ELAVL2: variants seen among roughly 807,000 people sequenced by gnomAD.
The protein encoded by ELAVL2 is ELAV-like protein 2.
In ELAVL2, 4 loss-of-function variants were observed where a neutral mutation model predicts 34.6. The ratio of observed to expected loss-of-function variants is 0.12; its 90% CI spans 0.06 to 0.26. The LOEUF is 0.26. ELAVL2 is among the 10% of genes least tolerant of loss of function. The probability of loss-of-function intolerance (pLI) is 1.00; values close to 1 mark genes in which losing one functional copy is unlikely to be tolerated. For synonymous variants in ELAVL2, 193 were observed against 154.8 expected, an observed-to-expected ratio of 1.25 and a Z score of -1.83; for missense variants, 432 against 442.8, an observed-to-expected ratio of 0.98 and a Z score of 0.22.
At chr9:23,704,837 C>T (rs1014679711) in intron 4 of ELAVL2, 81 bp downstream of exon 4, 12 of 1,558,264 alleles carry the variant, frequency 7.7e-6, no homozygotes, top group Non-Finnish European at 9.6e-6. Context: ...AGAAGCAAGA[C>T]TGCTACATGG....
the ELAVL2 span, among the ~76,000 whole-genome samples, chr9:23,841,611 T>G: frequency 4.6e-5 from 7 of 152,168 alleles, no homozygotes; most frequent in African/African-American, 1.4e-4. Context: ...TTCAACATCA[T>G]GTATTGGCAA....
At chr9:23,811,151 A>T (rs903415077) in intron 1 of ELAVL2, among the ~76,000 whole-genome samples, 1 of 152,158 alleles carries the variant, frequency 6.6e-6, no homozygotes, top group South Asian at 2.1e-4. Flanking sequence ...ATTTCACCCT[A>T]CCATCCACAA....
chr9:23,754,633 T>C (rs1408664810), intron 2 of ELAVL2, among the ~76,000 whole-genome samples: 1 of 152,056 alleles, frequency 6.6e-6, no homozygotes, highest in African/African-American at 2.4e-5. Context: ...GGCTAATTTT[T>C]CTATTTTCAG....
rs546752895 is a variant in ELAVL2, at chr9:23,794,502, C to T, written c.-16+31304G>A. Among the ~76,000 whole-genome samples, 3 of 152,176 alleles carry T rather than the reference C, an allele frequency of 2.0e-5. No homozygotes were observed. The South Asian group carries it at 6.2e-4, about 32-fold the overall frequency. On this transcript the variant is annotated intron_variant, in intron 1 of 6. Transcript: ENST00000397312. ...TTTCTTAGGGAGTGAAAATATATAC[C>T]CTAATCCATACTGGATAGACAGCCC...
intron 1 of ELAVL2, among the ~76,000 whole-genome samples, chr9:23,771,442 T>G (rs7848172): frequency 0.081 from 12,248 of 151,812 alleles, 1,637 homozygotes; most frequent in African/African-American, 0.28. Flanking sequence ...TATATATAGA[T>G]ATATATAGGA....
At chr9:23,705,218 T>C in intron 3 of ELAVL2, 147 bp from the exon 4 acceptor site, 3 of 875,712 alleles carry the variant, frequency 3.4e-6, no homozygotes, top group Admixed American at 2.8e-5. Context: ...CTTTATTCAT[T>C]TCCAGGAAAA....
chr9:23,773,921 G>A (rs981638466), intron 1 of ELAVL2, among the ~76,000 whole-genome samples: 3 of 151,962 alleles, frequency 2.0e-5, no homozygotes, highest in African/African-American at 7.3e-5. Context: ...TAGAAAATTT[G>A]CTTATCTGGG....
At chr9:23,753,620 A>C (rs916471147) in intron 2 of ELAVL2, among the ~76,000 whole-genome samples, 2 of 152,128 alleles carry the variant, frequency 1.3e-5, no homozygotes, top group Non-Finnish European at 2.9e-5. Context: ...TCATATCACA[A>C]TTTAACTGTT....
chr9:23,742,353 TG>T (rs1267404491), intron 2 of ELAVL2, among the ~76,000 whole-genome samples: 7 of 152,222 alleles, frequency 4.6e-5, no homozygotes, highest in African/African-American at 1.7e-4. Context: ...GAAAAACTAC[TG>T]CAAGTGTTAA....
At chr9:23,812,907 G>A (rs1033296782) in intron 1 of ELAVL2, among the ~76,000 whole-genome samples, 2 of 152,136 alleles carry the variant, frequency 1.3e-5, no homozygotes, top group African/African-American at 4.8e-5. Context: ...GCTGCCAGGA[G>A]AGCAGGGTTT....
intron 2 of ELAVL2, among the ~76,000 whole-genome samples, chr9:23,733,934 T>C (rs905415331): frequency 6.6e-6 from 1 of 152,122 alleles, no homozygotes; most frequent in Non-Finnish European, 1.5e-5. Flanking sequence ...ATATCTAGTA[T>C]CTGTTAAGTT....
intron 1 of ELAVL2, among the ~76,000 whole-genome samples, chr9:23,803,781 G>T (rs1032714087): frequency 6.6e-6 from 1 of 152,156 alleles, no homozygotes; most frequent in African/African-American, 2.4e-5. Flanking sequence ...CTGTATAAAA[G>T]AGCTTCACAA....
intron 5 of ELAVL2, among the ~76,000 whole-genome samples, chr9:23,700,543 C>A (rs564053254): frequency 6.6e-6 from 1 of 152,318 alleles, no homozygotes; most frequent in Admixed American, 6.5e-5. Flanking sequence ...CAGTAAATTA[C>A]AACCGACAGG....
At chr9:23,734,616 T>G (rs966119615) in intron 2 of ELAVL2, among the ~76,000 whole-genome samples, 5 of 152,206 alleles carry the variant, frequency 3.3e-5, no homozygotes, top group African/African-American at 1.2e-4. Flanking sequence ...TTCTGACACT[T>G]TTACCGCAAA....
At chr9:23,725,191 C>G (rs1022366477) in intron 3 of ELAVL2, among the ~76,000 whole-genome samples, 1 of 152,176 alleles carries the variant, frequency 6.6e-6, no homozygotes, top group Admixed American at 6.6e-5. Flanking sequence ...CACTACTCTG[C>G]TCAAAACCCT....
At chr9:23,775,870 G>A (rs180911854) in intron 1 of ELAVL2, among the ~76,000 whole-genome samples, 1 of 152,314 alleles carries the variant, frequency 6.6e-6, no homozygotes, top group East Asian at 1.9e-4. Context: ...AGCACCGGAA[G>A]AGAGCAGACA....
intron 3 of ELAVL2, among the ~76,000 whole-genome samples, chr9:23,722,833 C>T (rs952460324): frequency 1.3e-5 from 2 of 152,128 alleles, no homozygotes; most frequent in East Asian, 3.8e-4. Context: ...AGATAATAGT[C>T]CTATGAAATT....
intron 1 of ELAVL2, among the ~76,000 whole-genome samples, chr9:23,786,977 T>C (rs1002177220): frequency 6.6e-6 from 1 of 152,156 alleles, no homozygotes; most frequent in Non-Finnish European, 1.5e-5. Flanking sequence ...TACACTTTTA[T>C]TTAAGCACAC....
intron 1 of ELAVL2, among the ~76,000 whole-genome samples, chr9:23,785,400 T>C (rs2059562067): frequency 6.6e-6 from 1 of 152,190 alleles, no homozygotes; most frequent in Admixed American, 6.5e-5. Flanking sequence ...AATGAGAATT[T>C]TGATGAATTT....
Sources: gnomAD v4.1 joint callset for allele counts (sites outside exome capture counted in the v4.1 genomes callset) on GRCh38, gnomAD v4.1.1 for gene constraint, MANE v1.5 for transcripts, NCBI Gene and HGNC (gene_info 2026-07-23, HGNC 2026-07-21) for gene names.